Variants in SAFB2 observed in about 807,000 individuals in gnomAD.
SAFB2 encodes scaffold attachment factor B2.
In SAFB2, 32 loss-of-function variants were observed where a neutral mutation model predicts 100.6. The ratio of observed to expected loss-of-function variants is 0.32; its 90% CI spans 0.24 to 0.43. The LOEUF is 0.43. Ranked by LOEUF, SAFB2 falls within the 20% of genes least tolerant of loss-of-function variation. The pLI is 1.00. For synonymous variants in SAFB2, 500 were observed against 439.4 expected (o/e 1.14, Z -1.72); for missense variants, 1,185 against 1,163.4 (o/e 1.02, Z -0.27).
chr19:5,611,962 C>T (rs1294874423), intron 6 of SAFB2: 1 of 442,090 alleles, frequency 2.3e-6, no homozygotes, highest in South Asian at 2.2e-5. Context: ...GGTGCTGAAC[C>T]GAATGCAATC....
intron 13 of SAFB2, chr19:5,598,481 C>T (rs546843154): frequency 2.7e-6 from 1 of 365,806 alleles, no homozygotes; most frequent in African/African-American, 2.0e-5. Context: ...GTAGGACCTG[C>T]CTTCCGGCTC....
chr19:5,615,173 T>C (rs758024872), intron 4 of SAFB2, among the ~76,000 whole-genome samples: 2 of 151,790 alleles, frequency 1.3e-5, no homozygotes, highest in Non-Finnish European at 2.9e-5. Context: ...GCCAACATGG[T>C]GAAACCCCAT....
In SAFB2 at chr19:5,621,328, T is replaced by A. The variant is rs762487832; in HGVS notation, c.255A>T (p.Ser85=). 6.2e-7 allele frequency: 1 copy of A among 1,612,694 alleles called. No individual in the cohort carries two copies. Among genetic ancestry groups the A allele is most frequent in the Non-Finnish European group, 8.5e-7 (1 of 1,178,758 alleles). The part of the protein sequence containing the change: ...GIELEATSKK[S]AKRCVKGLKM... ...CAATACCTTTAACACATCTCTTGGC[T>A]GACTTCTTGCTGGTGGCTTCTAACT... is the stretch of plus-strand genomic sequence containing the variant. Residue 85 remains serine (S), a synonymous_variant, in exon 2 of 21, where the codon TCA becomes TCT. Transcript: ENST00000252542.
At position 5,590,267 on chromosome 19, in the gene SAFB2, CA is replaced by C; in HGVS notation, c.2525+10del. 3.8e-6 allele frequency: 6 copies of C among 1,579,320 alleles called. No homozygotes were observed. The highest frequency in any genetic ancestry group is 5.2e-6 in the Non-Finnish European group (6 of 1,163,044). ...AGATGCTCCCCACCCGGCTGGGGCT[CA>C]CCCACTAACCTGGGGGGAGGGGGCA... is the stretch of plus-strand genomic sequence containing the variant. On this transcript the variant is annotated intron_variant, in intron 18 of 20. Coordinates refer to ENST00000252542, the MANE Select transcript of SAFB2 (RefSeq NM_014649.3).
At chr19:5,605,182 G>A (rs961360171) in intron 9 of SAFB2, among the ~76,000 whole-genome samples, 7 of 150,628 alleles carry the variant, frequency 4.6e-5, no homozygotes, top group Admixed American at 3.3e-4. Flanking sequence ...TCGGCTCACC[G>A]CGACCTCCGC....
chr19:5,587,745 C>T lies in SAFB2; in HGVS notation c.2661G>A (p.Gly887=). The change falls in exon 20 of 21, where the codon GGG becomes GGA. Residue 887 remains glycine (G), a synonymous_variant. Coordinates refer to ENST00000252542, the MANE Select transcript of SAFB2 (RefSeq NM_014649.3). The surrounding 1 kb of genome is among the most constrained non-coding windows in gnomAD (Gnocchi z 4.9). ...RWQGGERGLS[G]PSGPGHMASR... is the part of the protein sequence containing the mutation. ...TTGCCATGTGCCCCGGCCCCGAGGG[C>T]CCAGACAGGCCCCTCTCGCCACCTA... 6.4e-7 allele frequency: 1 copy of T among 1,552,474 alleles called. No homozygotes were observed. The highest frequency in any genetic ancestry group is 8.7e-7 in the Non-Finnish European group (1 of 1,147,548).
intron 4 of SAFB2, among the ~76,000 whole-genome samples, chr19:5,614,987 G>C (rs1239700380): frequency 6.6e-6 from 1 of 152,206 alleles, no homozygotes; most frequent in East Asian, 1.9e-4. Context: ...GAGGCAGGCA[G>C]ATCACTTGAG....
rs1210149233 is a variant in SAFB2, at chr19:5,609,988, G to C, written c.1296+7C>G. ...CAGTGGATGGTATGAGGCAAGGGAA[G>C]GCATACCTTCCCATACTTGCTGAAA... On this transcript the variant is annotated splice_region_variant and intron_variant, in intron 9 of 20. Coordinates refer to ENST00000252542, the MANE Select transcript of SAFB2 (RefSeq NM_014649.3). 11 of 1,611,422 alleles carry C rather than the reference G, an allele frequency of 6.8e-6. No homozygotes were observed. The highest frequency in any genetic ancestry group is 9.3e-6 in the Non-Finnish European group (11 of 1,177,920).
At chr19:5,595,231 A>T in intron 14 of SAFB2, 130 bp downstream of exon 14, 3 of 1,255,760 alleles carry the variant, frequency 2.4e-6, no homozygotes, top group South Asian at 1.4e-5. Context: ...GACCCAGGTT[A>T]AGCACGACAC....
intron 9 of SAFB2, 25 bp from the exon 10 acceptor site, chr19:5,604,961 T>C (rs1210951780): frequency 6.2e-7 from 1 of 1,607,498 alleles, no homozygotes; most frequent in African/African-American, 1.3e-5. Flanking sequence ...GCACTCTTAC[T>C]CTCTCATACA....
chr19:5,604,731 G>C (rs1410039445), intron 10 of SAFB2, 36 bp from the exon 11 acceptor site: 1 of 1,613,976 alleles, frequency 6.2e-7, no homozygotes, highest in Admixed American at 1.7e-5. Context: ...GTGTGGCCCA[G>C]AGCTTCTCAC....
At position 5,587,628 on chromosome 19, in the gene SAFB2, C is replaced by T; in HGVS notation, c.2705+73G>A. 2.0e-6 allele frequency: 3 copies of T among 1,480,546 alleles called. No homozygotes were observed. Among genetic ancestry groups the T allele is most frequent in the Non-Finnish European group, 2.7e-6 (3 of 1,108,038 alleles). The allele number at this position is 1,480,546 out of a possible 1,614,324, so 91.7% of individuals were successfully genotyped here. A position where few individuals can be genotyped will look rare whatever the true frequency, so the allele number is the denominator to read the frequency against. On this transcript the variant is annotated intron_variant, in intron 20 of 20. Coordinates refer to ENST00000252542, the MANE Select transcript of SAFB2 (RefSeq NM_014649.3). This position sits in a 1 kb window ranked among gnomAD's most constrained non-coding sequence, Gnocchi z 4.9. The stretch of plus-strand genomic sequence containing the variant: ...ATAACATCCAACCCAGCCAGCTGAT[C>T]AAACATGCAAAAAAGGGAGAGGAAG...
At chr19:5,615,126 G>A (rs916466527) in intron 4 of SAFB2, among the ~76,000 whole-genome samples, 3 of 152,110 alleles carry the variant, frequency 2.0e-5, no homozygotes, top group Non-Finnish European at 2.9e-5. Context: ...AGGCCAAGGC[G>A]GGCAGATCAC....
intron 9 of SAFB2, among the ~76,000 whole-genome samples, chr19:5,609,301 T>C (rs2052851646): frequency 1.2e-5 from 1 of 80,288 alleles, no homozygotes; most frequent in African/African-American, 4.2e-5. Context: ...CACTTCATTC[T>C]TTTTTTTTTT....
chr19:5,599,918 G>A (rs1352304861), intron 12 of SAFB2, among the ~76,000 whole-genome samples: 1 of 152,086 alleles, frequency 6.6e-6, no homozygotes, highest in African/African-American at 2.4e-5. Context: ...ATACACATAA[G>A]CCCTGAGTCC....
At position 5,611,534 on chromosome 19, in the gene SAFB2, G is replaced by C. The variant is rs1447567291; in HGVS notation, c.731C>G (p.Thr244Arg). 4.3e-6 allele frequency: 2 copies of C among 466,100 alleles called. No homozygotes were observed. Among genetic ancestry groups the C allele is most frequent in the Non-Finnish European group, 7.2e-6 (2 of 276,488 alleles). 28.9% of individuals were successfully genotyped at this position (466,100 alleles called of 1,614,324 possible). A position where few individuals can be genotyped will look rare whatever the true frequency, so the allele number is the denominator to read the frequency against. ...SELEQPFAQD[T>R]SSVGPDRKLA... ...CTTTCTGTCTGGCCCCACGCTACTT[G>C]TGTCCTGTGCAAATGGCTGCTCCAG... Residue 244 changes from threonine to arginine, a missense_variant, in exon 7 of 21, where the codon ACA (threonine) becomes AGA (arginine). Around this residue, in one of 3 missense-constraint regions of SAFB2, gnomAD observed 351 missense variants for 341.2 expected, o/e 1.03. Transcript: ENST00000252542.
In SAFB2 at chr19:5,592,855, C is replaced by A; in HGVS notation, c.2240G>T (p.Arg747Leu). ...RDDAYWPEGKRVAMEDRYRAD... is the reference protein window; with the variant it reads ...RDDAYWPEGKLVAMEDRYRAD... The stretch of plus-strand genomic sequence containing the variant: ...ACGATATCGGTCCTCCATTGCCACA[C>A]GCTTTCCTTCTGGCCAATAGGCATC... Residue 747 changes from arginine (R) to leucine (L), a missense_variant, in exon 16 of 21, where the codon CGT (arginine) becomes CTT (leucine). Around this residue, in one of 3 missense-constraint regions of SAFB2, gnomAD observed 740 missense variants for 687.1 expected, o/e 1.08. Coordinates refer to ENST00000252542, the MANE Select transcript of SAFB2 (RefSeq NM_014649.3). 1.2e-6 allele frequency: 2 copies of A among 1,614,126 alleles called. No individual in the cohort carries two copies. Among genetic ancestry groups the A allele is most frequent in the Non-Finnish European group, 1.7e-6 (2 of 1,180,016 alleles).
chr19:5,616,166 A>C lies in SAFB2; in HGVS notation c.509T>G (p.Leu170Arg), dbSNP rs1309537584. 1.1e-5 allele frequency: 17 copies of C among 1,614,214 alleles called. No individual in the cohort carries two copies. Among genetic ancestry groups the C allele is most frequent in the Non-Finnish European group, 1.4e-5 (16 of 1,180,032 alleles). ...TGGGGGCTGAGCCGGGAGCTGTCTC[A>C]GCTGTGCAGCCACGTATTCTTTACT... is the stretch of plus-strand genomic sequence containing the variant. ...CDSKEYVAAQ[L>R]RQLPAQPPEH... The change falls in exon 4 of 21, where the codon CTG (leucine) becomes CGG (arginine). Residue 170 changes from leucine (L) to arginine (R), a missense_variant. This residue lies in a region of SAFB2 where 351 missense variants were observed against 341.2 expected (regional missense o/e 1.03). Transcript: ENST00000252542.
intron 9 of SAFB2, among the ~76,000 whole-genome samples, chr19:5,608,137 C>T (rs80121627): frequency 0.013 from 2,000 of 152,288 alleles, 24 homozygotes; most frequent in Non-Finnish European, 0.018. Context: ...GGCCTTCCTA[C>T]GTCCTTCTGT....
Sources: gnomAD v4.1 joint callset for allele counts (sites outside exome capture counted in the v4.1 genomes callset) on GRCh38, gnomAD v4.1.1 for gene constraint, gnomAD v4.1.1 regional missense constraint, Gnocchi (gnomAD v3.1) non-coding constraint, MANE v1.5 for transcripts, NCBI Gene and HGNC (gene_info 2026-07-23, HGNC 2026-07-21) for gene names.